The following TRIO variants were observed in gnomAD, a reference collection of about 807,000 sequenced individuals.
TRIO encodes trio Rho guanine nucleotide exchange factor, also known as triple functional domain protein.
Under a neutral mutation model 351.9 loss-of-function variants are expected in TRIO, and 58 were observed. The observed-to-expected ratio is 0.16, with a 90% CI of 0.13 to 0.21. TRIO has a LOEUF of 0.21. Ranked by LOEUF, TRIO falls within the 10% of genes least tolerant of loss-of-function variation. TRIO has a pLI of 1.00. For missense variants in TRIO, 3,201 were observed against 4,027.8 expected (o/e 0.79, Z 5.56); for synonymous variants, 1,758 against 1,595.7 (o/e 1.10, Z -2.42).
At chr5:14,434,277 A>G (rs1211743441) in intron 34 of TRIO, among the ~76,000 whole-genome samples, 3 of 152,246 alleles carry the variant, frequency 2.0e-5, no homozygotes, top group Non-Finnish European at 2.9e-5. Context: ...TTGTCCCACA[A>G]AAGTATGTGG....
At position 14,481,733 on chromosome 5, in the gene TRIO, T is replaced by C. The variant is rs1242411485; in HGVS notation, c.6465+115T>C. 3.5e-5 allele frequency: 34 copies of C among 964,198 alleles called. No individual in the cohort carries two copies. In the Middle Eastern group the frequency reaches 1.5e-3, roughly 44 times the overall value. 59.7% of individuals were successfully genotyped at this position (964,198 alleles called of 1,614,324 possible). On this transcript the variant is annotated intron_variant, in intron 45 of 56. Transcript: ENST00000344204. ...ATCCTTTTCACTTGGTTTTCTGGCT[T>C]CTCTCACTTTACCTCAATCTGATTG...
intron 1 of TRIO, among the ~76,000 whole-genome samples, chr5:14,220,997 A>G (rs1331911974): frequency 1.3e-5 from 2 of 152,224 alleles, no homozygotes; most frequent in African/African-American, 4.8e-5. Context: ...CTGGTTTTAA[A>G]ACTTCAGAGG....
chr5:14,299,754 T>C (rs934464481), intron 7 of TRIO, among the ~76,000 whole-genome samples: 3 of 152,222 alleles, frequency 2.0e-5, no homozygotes, highest in Non-Finnish European at 4.4e-5. Flanking sequence ...GTCACCTCTT[T>C]GAATCACATC....
In TRIO at chr5:14,479,807, T is replaced by A. The variant is rs933553767; in HGVS notation, c.6244-112T>A. On this transcript the variant is annotated intron_variant, in intron 42 of 56. Transcript: ENST00000344204. ...AGCTCTAGTTAGTCTAGTGCTTTTT[T>A]TCCTCGTTACTTTTACTGCCAGTGT... is the stretch of plus-strand genomic sequence containing the variant. 3.2e-6 allele frequency: 3 copies of A among 946,422 alleles called. No homozygotes were observed. In the African/African-American group the frequency reaches 4.9e-5, roughly 16 times the overall value. The allele number at this position is 946,422 out of a possible 1,614,324, so 58.6% of individuals were successfully genotyped here.
chr5:14,232,958 C>G (rs1359788044), intron 1 of TRIO, among the ~76,000 whole-genome samples: 1 of 152,156 alleles, frequency 6.6e-6, no homozygotes, highest in Non-Finnish European at 1.5e-5. Flanking sequence ...ACTAAACAAG[C>G]TCCATGGCCA....
chr5:14,284,861 A>G (rs1385193496), intron 3 of TRIO, among the ~76,000 whole-genome samples: 3 of 152,194 alleles, frequency 2.0e-5, no homozygotes, highest in African/African-American at 7.2e-5. Flanking sequence ...CTGGAGTAGA[A>G]TGCCTTACTG....
At chr5:14,481,836 A>C in intron 45 of TRIO, 1 of 505,756 alleles carries the variant, frequency 2.0e-6, no homozygotes, top group East Asian at 3.5e-5. Flanking sequence ...CTGTGCTCAA[A>C]GCCCAGTGTC....
chr5:14,255,229 A>G (rs955381739), intron 1 of TRIO, among the ~76,000 whole-genome samples: 10 of 152,234 alleles, frequency 6.6e-5, no homozygotes, highest in African/African-American at 2.4e-4. Context: ...GTTTGATATT[A>G]ATTCATAAAC....
At chr5:14,379,236 G>A (rs757307214) in intron 20 of TRIO, among the ~76,000 whole-genome samples, 1 of 152,140 alleles carries the variant, frequency 6.6e-6, no homozygotes, top group African/African-American at 2.4e-5. Context: ...ACCACGACAC[G>A]GACCCATTTT....
intron 7 of TRIO, among the ~76,000 whole-genome samples, chr5:14,304,068 G>T (rs997167658): frequency 6.6e-6 from 1 of 152,230 alleles, no homozygotes. Context: ...TAGTTAAGGG[G>T]CACGTGGAGG....
At chr5:14,394,460 A>G (rs1195964248) in intron 28 of TRIO, among the ~76,000 whole-genome samples, 1 of 152,110 alleles carries the variant, frequency 6.6e-6, no homozygotes, top group Non-Finnish European at 1.5e-5. Flanking sequence ...CGCTCTGCAT[A>G]TGTTAACCTC....
In TRIO at chr5:14,437,078, C is replaced by T. The variant is rs556345876; in HGVS notation, c.5203+17057C>T. On this transcript the variant is annotated intron_variant, in intron 34 of 56. Coordinates refer to ENST00000344204, the MANE Select transcript of TRIO (RefSeq NM_007118.4). ...TTTATTCTAACCTTCTTCCTTTCCTCATTTGTAACCTCTTTCTTTGATAGT... is the reference window on the plus strand; with the variant it reads ...TTTATTCTAACCTTCTTCCTTTCCTTATTTGTAACCTCTTTCTTTGATAGT... Among the ~76,000 whole-genome samples, 9 of 152,324 alleles carry T rather than the reference C, an allele frequency of 5.9e-5. No individual in the cohort carries two copies. The South Asian group carries it at 1.9e-3, about 32-fold the overall frequency.
intron 1 of TRIO, among the ~76,000 whole-genome samples, chr5:14,202,015 G>A (rs1791145241): frequency 6.6e-6 from 1 of 151,664 alleles, no homozygotes; most frequent in Non-Finnish European, 1.5e-5. Context: ...TATACCTAAT[G>A]TAAATGACGA....
At chr5:14,166,986 C>T (rs1047668155) in intron 1 of TRIO, among the ~76,000 whole-genome samples, 1 of 152,026 alleles carries the variant, frequency 6.6e-6, no homozygotes, top group Non-Finnish European at 1.5e-5. Context: ...AATTAGTCCT[C>T]AAGCGCCCAT....
chr5:14,504,024 C>T (rs62345879), intron 54 of TRIO, among the ~76,000 whole-genome samples: 2,422 of 152,304 alleles, frequency 0.016, 22 homozygotes, highest in Non-Finnish European at 0.025. Flanking sequence ...AGGTGGCTGA[C>T]GGGAGGCGTG....
At chr5:14,394,204 A>G (rs575974588) in intron 28 of TRIO, 74 bp downstream of exon 28, 3 of 979,944 alleles carry the variant, frequency 3.1e-6, no homozygotes, top group South Asian at 1.9e-5. Context: ...ATATATTTAT[A>G]TAATTACCCT....
At chr5:14,327,486 A>T (rs1740490825) in intron 9 of TRIO, among the ~76,000 whole-genome samples, 1 of 152,162 alleles carries the variant, frequency 6.6e-6, no homozygotes, top group Non-Finnish European at 1.5e-5. Context: ...TTATTAATTT[A>T]AAAATGTTGT....
intron 34 of TRIO, among the ~76,000 whole-genome samples, chr5:14,421,713 C>T (rs1260878100): frequency 6.6e-6 from 1 of 152,076 alleles, no homozygotes. Context: ...CGTCTTCAAC[C>T]ACAAGGATAG....
At position 14,498,404 on chromosome 5, in the gene TRIO, G is replaced by C. The variant is rs189222188; in HGVS notation, c.8211-115G>C. 37 of 1,515,434 alleles carry C rather than the reference G, an allele frequency of 2.4e-5. No homozygotes were observed. The African/African-American group carries it at 4.9e-4, about 20-fold the overall frequency. 93.9% of individuals were successfully genotyped at this position (1,515,434 alleles called of 1,614,324 possible). On this transcript the variant is annotated intron_variant, in intron 52 of 56. Coordinates refer to ENST00000344204, the MANE Select transcript of TRIO (RefSeq NM_007118.4). ...AGCCCATTTCACGCCTGGGTGTACA[G>C]CTCCTCATCAGCACTTGAGCTCCTG...
Sources: gnomAD v4.1 joint callset for allele counts (sites outside exome capture counted in the v4.1 genomes callset) on GRCh38, gnomAD v4.1.1 for gene constraint, MANE v1.5 for transcripts, NCBI Gene and HGNC (gene_info 2026-07-23, HGNC 2026-07-21) for gene names.